TAF4B: variants seen among roughly 807,000 people sequenced by gnomAD.
The protein encoded by TAF4B is TATA-box binding protein associated factor 4b.
Under a neutral mutation model 86.4 loss-of-function variants are expected in TAF4B, and 38 were observed. The observed-to-expected ratio is 0.44, with a 90% CI of 0.34 to 0.58. The LOEUF is 0.58. Among genes scored for constraint, TAF4B ranks in the 20% least tolerant of loss-of-function variants. The pLI is 0.02. For missense variants in TAF4B, 988 were observed against 1,027.6 expected, an observed-to-expected ratio of 0.96 and a Z score of 0.53; for synonymous variants, 388 against 391.2, an observed-to-expected ratio of 0.99 and a Z score of 0.10.
At chr18:26,371,464 T>C (rs2057405441) in intron 14 of TAF4B, among the ~76,000 whole-genome samples, 1 of 152,174 alleles carries the variant, frequency 6.6e-6, no homozygotes, top group Non-Finnish European at 1.5e-5. Flanking sequence ...ACTGCTGACA[T>C]CAAACTAGGT....
At chr18:26,382,415 C>G (rs975281347) in intron 14 of TAF4B, among the ~76,000 whole-genome samples, 1 of 151,868 alleles carries the variant, frequency 6.6e-6, no homozygotes, top group Non-Finnish European at 1.5e-5. Context: ...TCTTGTGTGT[C>G]GAATTCCTTG....
At chr18:26,353,473 G>A (rs2057261275) in intron 13 of TAF4B, among the ~76,000 whole-genome samples, 1 of 152,206 alleles carries the variant, frequency 6.6e-6, no homozygotes, top group Non-Finnish European at 1.5e-5. Context: ...GCTCATGCCT[G>A]TAATCCCGGC....
intron 5 of TAF4B, among the ~76,000 whole-genome samples, chr18:26,276,785 C>G (rs1462940905): frequency 6.6e-6 from 1 of 152,080 alleles, no homozygotes; most frequent in Admixed American, 6.5e-5. Flanking sequence ...TGACTTGTTT[C>G]TCTGAAATGG....
chr18:26,352,702 G>A (rs2057255078), intron 13 of TAF4B, among the ~76,000 whole-genome samples: 1 of 152,092 alleles, frequency 6.6e-6, no homozygotes, highest in Non-Finnish European at 1.5e-5. Context: ...GTTGCAGTAA[G>A]ATGAGATCGC....
At chr18:26,246,753 A>T (rs183352400) in intron 1 of TAF4B, among the ~76,000 whole-genome samples, 2 of 151,964 alleles carry the variant, frequency 1.3e-5, no homozygotes, top group Admixed American at 1.3e-4. Context: ...GGCTGGTCTC[A>T]AACTCCTGAC....
rs1433230615 is a variant in TAF4B, at chr18:26,286,219, T to C, written c.1310T>C (p.Leu437Pro). Residue 437 changes from leucine (L) to proline (P), a missense_variant, in exon 7 of 15, where the codon CTT becomes CCT. Leu to Pro is a moderately conservative substitution (Grantham distance 98, BLOSUM62 -3). Around this residue, in one of 3 missense-constraint regions of TAF4B, gnomAD observed 747 missense variants for 737.9 expected, o/e 1.01. Transcript: ENST00000269142. ...GTGLLQTSKP[L>P]VTSVANTVTT... ...GGTTTGCTTCAGACTTCAAAACCAC[T>C]TGTGACATCTGTGGCAAACACAGTG... 2 of 1,614,232 alleles carry C rather than the reference T, an allele frequency of 1.2e-6. No individual in the cohort carries two copies. The highest frequency in any genetic ancestry group is 8.5e-7 in the Non-Finnish European group (1 of 1,180,042).
Position 26,378,864 on chromosome 18 carries a change from G to A in TAF4B, c.2422-10981G>A, listed in dbSNP as rs76564766. On this transcript the variant is annotated intron_variant, in intron 14 of 14. Transcript: ENST00000269142. ...TGTTTTTGAGATTTATTCACATTAT[G>A]CATATCAGTAGTACATTCTTTTTAG... Among the ~76,000 whole-genome samples, 64 of 152,208 alleles carry A rather than the reference G, an allele frequency of 4.2e-4. No individual in the cohort carries two copies. In the East Asian group the frequency reaches 0.012, roughly 28 times the overall value.
chr18:26,300,821 A>T (rs1287616414), intron 9 of TAF4B, among the ~76,000 whole-genome samples: 1 of 151,496 alleles, frequency 6.6e-6, no homozygotes, highest in Non-Finnish European at 1.5e-5. Flanking sequence ...TGTTTCCATC[A>T]CTTACGTAGA....
intron 1 of TAF4B, among the ~76,000 whole-genome samples, chr18:26,244,876 G>A (rs2055898597): frequency 1.3e-5 from 2 of 151,678 alleles, no homozygotes; most frequent in African/African-American, 4.9e-5. Flanking sequence ...TAGGATAGAT[G>A]GGTGAGTCTC....
At chr18:26,345,825 T>C (rs2057173324) in intron 13 of TAF4B, among the ~76,000 whole-genome samples, 1 of 152,186 alleles carries the variant, frequency 6.6e-6, no homozygotes, top group South Asian at 2.1e-4. Context: ...TAACAGAGGC[T>C]AATCATAAGG....
At chr18:26,351,243 T>C (rs776799642) in intron 13 of TAF4B, among the ~76,000 whole-genome samples, 4 of 152,106 alleles carry the variant, frequency 2.6e-5, no homozygotes, top group African/African-American at 7.2e-5. Flanking sequence ...GGAGGACTTA[T>C]GTTAAGTAAA....
At chr18:26,333,865 A>T (rs939649113) in intron 12 of TAF4B, among the ~76,000 whole-genome samples, 1 of 152,036 alleles carries the variant, frequency 6.6e-6, no homozygotes, top group Non-Finnish European at 1.5e-5. Context: ...TCCTTATATC[A>T]TCTGTCTCCA....
intron 9 of TAF4B, among the ~76,000 whole-genome samples, chr18:26,299,689 A>G (rs938981558): frequency 6.6e-6 from 1 of 152,152 alleles, no homozygotes; most frequent in East Asian, 1.9e-4. Flanking sequence ...GACAAAGTCA[A>G]TTTCATTGAT....
chr18:26,245,679 A>G (rs979278984), intron 1 of TAF4B, among the ~76,000 whole-genome samples: 9 of 152,212 alleles, frequency 5.9e-5, no homozygotes, highest in African/African-American at 2.2e-4. Context: ...TGCTGTCTGC[A>G]GAGTGCTGAT....
At chr18:26,334,215 A>G (rs2057073022) in intron 12 of TAF4B, among the ~76,000 whole-genome samples, 2 of 152,082 alleles carry the variant, frequency 1.3e-5, no homozygotes, top group African/African-American at 4.8e-5. Context: ...GTTTGAAATT[A>G]GTAGGCACTC....
chr18:26,231,104 A>G (rs897666780), intron 1 of TAF4B, among the ~76,000 whole-genome samples: 14 of 134,318 alleles, frequency 1.0e-4, no homozygotes, highest in Non-Finnish European at 2.0e-4. Flanking sequence ...CAATGGTGCA[A>G]TCTTGGCTCA....
intron 2 of TAF4B, 38 bp downstream of exon 2, chr18:26,265,353 C>T (rs2056225070): frequency 2.6e-6 from 4 of 1,562,124 alleles, no homozygotes; most frequent in Non-Finnish European, 2.6e-6. Flanking sequence ...TTCTTTGTTT[C>T]TCAGCTATAA....
chr18:26,343,708 T>C (rs1276196669), intron 13 of TAF4B, among the ~76,000 whole-genome samples: 4 of 152,224 alleles, frequency 2.6e-5, no homozygotes, highest in African/African-American at 7.2e-5. Flanking sequence ...AAATACACTA[T>C]GTGCAGGATG....
At position 26,327,000 on chromosome 18, in the gene TAF4B, T is replaced by A. The variant is rs770495718; in HGVS notation, c.2134-15T>A. 6.2e-7 allele frequency: 1 copy of A among 1,609,822 alleles called. No homozygotes were observed. Among genetic ancestry groups the A allele is most frequent in the Non-Finnish European group, 8.5e-7 (1 of 1,178,740 alleles). Reference sequence around the variant, plus strand: ...AGGATCATTATAAGACTTTCTGTTTTCTTTTTTTTCCCAGGCAAGTGAAAA... The same window carrying A: ...AGGATCATTATAAGACTTTCTGTTTACTTTTTTTTCCCAGGCAAGTGAAAA... On this transcript the variant is annotated splice_polypyrimidine_tract_variant and intron_variant, in intron 11 of 14. Transcript: ENST00000269142.
Sources: allele counts gnomAD v4.1 joint callset (sites outside exome capture counted in the v4.1 genomes callset), GRCh38; gene constraint gnomAD v4.1.1; regional missense constraint gnomAD v4.1.1; transcripts MANE v1.5; gene names NCBI Gene and HGNC (gene_info 2026-07-23, HGNC 2026-07-21).